RNF11: variants seen among roughly 807,000 people sequenced by gnomAD.
RNF11 encodes ring finger protein 11.
Under a neutral mutation model 15.8 loss-of-function variants are expected in RNF11, and 4 were observed. That is an observed-to-expected ratio of 0.25 (90% CI 0.12 to 0.58). The LOEUF is 0.58. Ranked by LOEUF, RNF11 falls within the 20% of genes least tolerant of loss-of-function variation. RNF11 has a pLI of 0.91. For missense variants in RNF11, 139 were observed against 194.4 expected, an observed-to-expected ratio of 0.71 and a Z score of 1.70; for synonymous variants, 68 against 72.3, an observed-to-expected ratio of 0.94 and a Z score of 0.30.
chr1:51,259,523 C>T (rs1215008380), intron 1 of RNF11, among the ~76,000 whole-genome samples: 2 of 152,202 alleles, frequency 1.3e-5, no homozygotes, highest in South Asian at 4.1e-4. Context: ...TCTCATCCAT[C>T]CTGATTTTCC....
rs1160820692 is a variant in RNF11, at chr1:51,247,061, A to G, written c.123+10182A>G. Among the ~76,000 whole-genome samples, 3 of 152,130 alleles carry G rather than the reference A, an allele frequency of 2.0e-5. No individual in the cohort carries two copies. In the East Asian group the frequency reaches 5.8e-4, roughly 29 times the overall value. On this transcript the variant is annotated intron_variant, in intron 1 of 2. Transcript: ENST00000242719. ...GTAACTTTTAATATTGAATTAACAA[A>G]TATTTATGGTATTTTTAACATGCTC...
chr1:51,259,828 A>C (rs1198662619), intron 1 of RNF11, among the ~76,000 whole-genome samples: 1 of 152,236 alleles, frequency 6.6e-6, no homozygotes, highest in Non-Finnish European at 1.5e-5. Context: ...AAGAGTTAAT[A>C]AGTTCATGAT....
intron 1 of RNF11, 27 bp downstream of exon 1, chr1:51,236,906 G>T (rs569644876): frequency 1.9e-6 from 3 of 1,591,188 alleles, no homozygotes; most frequent in South Asian, 2.3e-5. Flanking sequence ...GTTGGGGGGA[G>T]CGAGTAGAGG....
At chr1:51,269,877 C>A in intron 1 of RNF11, 79 bp from the exon 2 acceptor site, 2 of 1,282,184 alleles carry the variant, frequency 1.6e-6, no homozygotes, top group Non-Finnish European at 2.2e-6. Flanking sequence ...CTCCCTTTCC[C>A]TTCTATCTCT....
rs570620829 is a variant in RNF11 at position 51,242,885 on chromosome 1, T to G, written c.123+6006T>G. On this transcript the variant is annotated intron_variant, in intron 1 of 2. Transcript: ENST00000242719. ...GGGTGGAAAATATCTCCAAATTTAT[T>G]TCACGTATCTAGGCCTTATTATACA... Among the ~76,000 whole-genome samples, 3 of 152,360 alleles carry G rather than the reference T, an allele frequency of 2.0e-5. No individual in the cohort carries two copies. The East Asian group carries it at 5.8e-4, about 29-fold the overall frequency.
Position 51,272,921 on chromosome 1 carries a change from T to A in RNF11, c.*1599T>A, listed in dbSNP as rs992685080. 6.6e-6 allele frequency: 1 copy of A among 152,186 alleles called. No homozygotes were observed. The highest frequency in any genetic ancestry group is 2.4e-5 in the African/African-American group (1 of 41,460). The allele number at this position is 152,186 out of a possible 1,614,324, so 9.4% of individuals were successfully genotyped here. A position where few individuals can be genotyped will look rare whatever the true frequency, so the allele number is the denominator to read the frequency against. On this transcript the variant is annotated 3_prime_UTR_variant, in exon 3 of 3. Transcript: ENST00000242719. ...ACTTTGTAAAGATTTGACATTCAAC[T>A]GTAGTATCCATATGTTGCTTAAATT...
At chr1:51,267,356 C>T (rs1044491482) in intron 1 of RNF11, among the ~76,000 whole-genome samples, 7 of 152,154 alleles carry the variant, frequency 4.6e-5, no homozygotes, top group Non-Finnish European at 1.0e-4. Context: ...TCAAAACAGT[C>T]CCCAGGTTTG....
At chr1:51,259,111 C>A (rs1458253979) in intron 1 of RNF11, among the ~76,000 whole-genome samples, 1 of 152,196 alleles carries the variant, frequency 6.6e-6, no homozygotes, top group Non-Finnish European at 1.5e-5. Context: ...GATGAATTTG[C>A]TCTCCAGGAA....
rs1646977771 is a variant in RNF11, at chr1:51,271,350, GAACCACC to G, written c.*30_*36del. On this transcript the variant is annotated 3_prime_UTR_variant, in exon 3 of 3. Transcript: ENST00000242719. ...CAGGGTCTCTTATCTGACTTCAAGT[GAACCACC>G]ATTTTGGTGGTTTTGATCTTTTGTC... The G allele has an allele frequency of 6.3e-7, 1 of 1,575,098 alleles. No homozygotes were observed. Among genetic ancestry groups the G allele is most frequent in the Non-Finnish European group, 8.7e-7 (1 of 1,153,166 alleles).
In RNF11 at chr1:51,236,570, GA is replaced by G; in HGVS notation, c.-186del. On this transcript the variant is annotated 5_prime_UTR_variant, in exon 1 of 3. Coordinates refer to ENST00000242719, the MANE Select transcript of RNF11 (RefSeq NM_014372.5). ...CCAGCGGAGCCCGCGGCCCAGCCTT[GA>G]TCCCCCAACCCCGGGGGCTGGCATG... 1 of 412,230 alleles carries G rather than the reference GA, an allele frequency of 2.4e-6. No homozygotes were observed. The highest frequency in any genetic ancestry group is 2.6e-5 in the South Asian group (1 of 37,962). The allele number at this position is 412,230 out of a possible 1,614,324, so 25.5% of individuals were successfully genotyped here. A position where few individuals can be genotyped will look rare whatever the true frequency, so the allele number is the denominator to read the frequency against.
At chr1:51,264,293 T>TATATAA (rs1182882563) in intron 1 of RNF11, among the ~76,000 whole-genome samples, 8 of 77,662 alleles carry the variant, frequency 1.0e-4, no homozygotes, top group Non-Finnish European at 1.1e-4. Flanking sequence ...AAAAAATATA[T>TATATAA]ATATATATAT....
chr1:51,241,401 G>T (rs977304358), intron 1 of RNF11, among the ~76,000 whole-genome samples: 1 of 152,222 alleles, frequency 6.6e-6, no homozygotes, highest in African/African-American at 2.4e-5. Flanking sequence ...TCAGCCTCCT[G>T]AGTAGCTGGG....
chr1:51,267,983 G>A (rs1037636641), intron 1 of RNF11, among the ~76,000 whole-genome samples: 9 of 152,136 alleles, frequency 5.9e-5, no homozygotes, highest in Admixed American at 5.2e-4. Context: ...CGCCTGCCTC[G>A]GCCTTTCAAA....
At chr1:51,244,988 A>G (rs958447723) in intron 1 of RNF11, among the ~76,000 whole-genome samples, 2 of 151,884 alleles carry the variant, frequency 1.3e-5, no homozygotes, top group Non-Finnish European at 2.9e-5. Flanking sequence ...AATATTTTTT[A>G]GGTAATAGTA....
rs186301601 is a variant in RNF11, at chr1:51,250,380, A to C, written c.123+13501A>C. On this transcript the variant is annotated intron_variant, in intron 1 of 2. Coordinates refer to ENST00000242719, the MANE Select transcript of RNF11 (RefSeq NM_014372.5). ...AGCTGTAGTCACTATGTTATACAACAGATCTCTGGAATTGTAGATCTGTTT... is the reference window on the plus strand; with the variant it reads ...AGCTGTAGTCACTATGTTATACAACCGATCTCTGGAATTGTAGATCTGTTT... Among the ~76,000 whole-genome samples, 46 of 152,336 alleles carry C rather than the reference A, an allele frequency of 3.0e-4. 1 individual carries two copies. Among genetic ancestry groups the C allele is most frequent in the Admixed American group, 5.2e-4 (8 of 15,286 alleles).
intron 1 of RNF11, among the ~76,000 whole-genome samples, chr1:51,237,424 GTATATATATATATATGTGTATATATA>G (rs914510652): frequency 5.2e-5 from 7 of 135,898 alleles, no homozygotes; most frequent in African/African-American, 2.1e-4. Flanking sequence ...GTGTGTGTGT[GTATATATATATATATGTGTATATATA>G]TATATATATA....
rs528888262 is a variant in RNF11 at position 51,243,963 on chromosome 1, A to G, written c.123+7084A>G. ...CCATTGCCCAGAATGTTCTTCCTTA[A>G]TCCTTCCCAGTCTCATTTCTAATAT... On this transcript the variant is annotated intron_variant, in intron 1 of 2. Transcript: ENST00000242719. 3.3e-5 allele frequency among the ~76,000 whole-genome samples: 5 copies of G among 152,170 alleles called. No individual in the cohort carries two copies. In the South Asian group the frequency reaches 1.0e-3, roughly 32 times the overall value.
chr1:51,262,480 T>G (rs1427663576), intron 1 of RNF11, among the ~76,000 whole-genome samples: 1 of 152,192 alleles, frequency 6.6e-6, no homozygotes, highest in Admixed American at 6.5e-5. Flanking sequence ...TTAAAATTTG[T>G]TCTTCAAATA....
In RNF11 at chr1:51,270,057, T is replaced by C; in HGVS notation, c.225T>C (p.Gly75=). 1.2e-6 allele frequency: 2 copies of C among 1,613,488 alleles called. No homozygotes were observed. The highest frequency in any genetic ancestry group is 4.5e-5 in the East Asian group (2 of 44,890). The part of the protein sequence containing the change: ...EEQIRIAQRI[G]LIQHLPKGVY... ...AAATTAGGATAGCTCAAAGAATAGG[T>C]CTTATACAACATCTGCCTAAAGGAG... Residue 75 remains glycine (G), a synonymous_variant, in exon 2 of 3, where the codon GGT becomes GGC. Coordinates refer to ENST00000242719, the MANE Select transcript of RNF11 (RefSeq NM_014372.5).
Sources: allele counts gnomAD v4.1 joint callset (sites outside exome capture counted in the v4.1 genomes callset), GRCh38; gene constraint gnomAD v4.1.1; transcripts MANE v1.5; gene names NCBI Gene and HGNC (gene_info 2026-07-23, HGNC 2026-07-21).